Variants in BMPR1B observed in about 807,000 individuals in gnomAD.
BMPR1B encodes the protein bone morphogenetic protein receptor type 1B, also known as bone morphogenetic protein receptor type-1B.
Under a neutral mutation model 59.1 loss-of-function variants are expected in BMPR1B, and 12 were observed. The ratio of observed to expected loss-of-function variants is 0.20; its 90% CI spans 0.13 to 0.33. The LOEUF (loss-of-function observed/expected upper bound fraction) is 0.33. Among genes scored for constraint, BMPR1B ranks in the 10% least tolerant of loss-of-function variants. BMPR1B has a pLI of 1.00. For missense variants in BMPR1B, 550 were observed against 610.9 expected, an observed-to-expected ratio of 0.90 and a Z score of 1.05; for synonymous variants, 237 against 207.3, an observed-to-expected ratio of 1.14 and a Z score of -1.23.
chr4:95,113,750 C>A (rs2149276422), intron 4 of BMPR1B, among the ~76,000 whole-genome samples: 1 of 152,204 alleles, frequency 6.6e-6, no homozygotes, highest in African/African-American at 2.4e-5. Context: ...TCCCAAAGGG[C>A]ATAGCAGAAA....
chr4:94,793,619 T>C (rs1343385626), intron 1 of BMPR1B, among the ~76,000 whole-genome samples: 3 of 147,694 alleles, frequency 2.0e-5, no homozygotes, highest in African/African-American at 5.0e-5. Context: ...GTTGAACTAG[T>C]TTACAGTCCC....
chr4:94,897,294 A>G (rs1727623799), intron 2 of BMPR1B, among the ~76,000 whole-genome samples: 1 of 152,066 alleles, frequency 6.6e-6, no homozygotes, highest in African/African-American at 2.4e-5. Context: ...GGGTGCTCCC[A>G]ATGTAAATAA....
intron 1 of BMPR1B, among the ~76,000 whole-genome samples, chr4:94,836,514 A>G (rs868370005): frequency 0.032 from 4,173 of 129,338 alleles, 43 homozygotes; most frequent in Non-Finnish European, 0.036. Context: ...GCCAGTGATG[A>G]TGAGCATTTT....
At chr4:95,115,601 A>G (rs1470480411) in intron 5 of BMPR1B, 84 bp from the exon 6 acceptor site, 8 of 1,140,400 alleles carry the variant, frequency 7.0e-6, no homozygotes, top group East Asian at 2.3e-5. Context: ...AGTTCTCTAA[A>G]TAGTGACTAT....
chr4:95,106,192 G>C (rs983949878), intron 4 of BMPR1B, among the ~76,000 whole-genome samples: 1 of 151,880 alleles, frequency 6.6e-6, no homozygotes, highest in Non-Finnish European at 1.5e-5. Flanking sequence ...GAGACAGGAG[G>C]TATAGTGACT....
intron 3 of BMPR1B, among the ~76,000 whole-genome samples, chr4:95,068,707 A>G (rs1030212819): frequency 6.6e-6 from 1 of 152,170 alleles, no homozygotes; most frequent in Non-Finnish European, 1.5e-5. Context: ...ATTGAACTAG[A>G]TAACTTATCC....
At chr4:95,137,794 G>T (rs1227274722) in intron 10 of BMPR1B, among the ~76,000 whole-genome samples, 1 of 152,020 alleles carries the variant, frequency 6.6e-6, no homozygotes, top group Non-Finnish European at 1.5e-5. Flanking sequence ...TTGAGCCTAT[G>T]TGTGTCTCTG....
At chr4:94,880,208 C>G (rs1387539723) in intron 2 of BMPR1B, among the ~76,000 whole-genome samples, 1 of 152,170 alleles carries the variant, frequency 6.6e-6, no homozygotes, top group Non-Finnish European at 1.5e-5. Context: ...GGTTCTCATT[C>G]AAGAATTGGC....
At chr4:95,141,013 A>G (rs576930695) in intron 10 of BMPR1B, among the ~76,000 whole-genome samples, 4 of 152,294 alleles carry the variant, frequency 2.6e-5, no homozygotes, top group Admixed American at 2.6e-4. Flanking sequence ...TACTTCATCA[A>G]GAGATGAAGA....
chr4:94,960,760 A>G (rs1257191199), intron 2 of BMPR1B, among the ~76,000 whole-genome samples: 1 of 152,104 alleles, frequency 6.6e-6, no homozygotes, highest in East Asian at 1.9e-4. Context: ...ATTAATGATA[A>G]AAGCTCAAGA....
At chr4:94,803,098 C>G (rs1426687550) in intron 1 of BMPR1B, among the ~76,000 whole-genome samples, 4 of 152,194 alleles carry the variant, frequency 2.6e-5, no homozygotes, top group Non-Finnish European at 5.9e-5. Flanking sequence ...CTTCATTTCT[C>G]TCATTGAGTA....
At chr4:95,148,965 A>T in intron 11 of BMPR1B, 42 bp downstream of exon 11, 1 of 1,604,210 alleles carries the variant, frequency 6.2e-7, no homozygotes, top group Non-Finnish European at 8.5e-7. Context: ...TATTGGAGCT[A>T]CTATAAATCC....
intron 3 of BMPR1B, among the ~76,000 whole-genome samples, chr4:95,043,141 G>A (rs1046685612): frequency 2.5e-5 from 3 of 121,242 alleles, no homozygotes; most frequent in African/African-American, 9.4e-5. Context: ...CGCCACTGCA[G>A]TCCGCAGTCC....
intron 2 of BMPR1B, among the ~76,000 whole-genome samples, chr4:94,938,597 A>G (rs979873176): frequency 3.9e-5 from 6 of 152,174 alleles, no homozygotes; most frequent in African/African-American, 1.4e-4. Context: ...TGTTGAATTG[A>G]TAGCTTTTCA....
chr4:95,112,725 G>A (rs947461505), intron 4 of BMPR1B, among the ~76,000 whole-genome samples: 8 of 152,052 alleles, frequency 5.3e-5, no homozygotes, highest in African/African-American at 1.9e-4. Flanking sequence ...CAGACAAGGG[G>A]TGTGTATTTT....
intron 3 of BMPR1B, among the ~76,000 whole-genome samples, chr4:95,028,091 G>A (rs1009708685): frequency 7.2e-5 from 11 of 152,280 alleles, no homozygotes; most frequent in Admixed American, 1.3e-4. Context: ...TTGTGTAAGA[G>A]GGAGGCTATT....
intron 1 of BMPR1B, among the ~76,000 whole-genome samples, chr4:94,820,277 C>T (rs1483973031): frequency 6.6e-6 from 1 of 152,112 alleles, no homozygotes; most frequent in African/African-American, 2.4e-5. Context: ...GTATCTTCCC[C>T]CTAGAATCAG....
At chr4:94,985,014 G>A (rs949183133) in intron 2 of BMPR1B, among the ~76,000 whole-genome samples, 2 of 152,156 alleles carry the variant, frequency 1.3e-5, no homozygotes, top group Admixed American at 6.5e-5. Context: ...GTGAACAGAG[G>A]TATGGAAAGT....
At chr4:94,952,431 C>G (rs1474936633) in intron 2 of BMPR1B, among the ~76,000 whole-genome samples, 1 of 152,088 alleles carries the variant, frequency 6.6e-6, no homozygotes, top group Non-Finnish European at 1.5e-5. Context: ...ACTTCTTTAG[C>G]TGTGTCCCAG....
Sources: gnomAD v4.1 joint callset for allele counts (sites outside exome capture counted in the v4.1 genomes callset) on GRCh38, gnomAD v4.1.1 for gene constraint, MANE v1.5 for transcripts, NCBI Gene and HGNC (gene_info 2026-07-23, HGNC 2026-07-21) for gene names.